The following HLCS variants were observed in gnomAD, a reference collection of about 807,000 sequenced individuals.
HLCS encodes the protein biotin--protein ligase.
HLCS carries 53 observed loss-of-function variants against 75.0 expected under a neutral mutation model. The observed-to-expected ratio is 0.71, with a 90% CI of 0.57 to 0.89. The LOEUF is 0.89. Ranked by LOEUF, HLCS falls within the 40% of genes least tolerant of loss-of-function variation. The pLI, the probability that HLCS is intolerant of heterozygous loss-of-function variation, is 0.00. For missense variants in HLCS, 966 were observed against 1,074.0 expected, an observed-to-expected ratio of 0.90 and a Z score of 1.41; for synonymous variants, 431 against 428.6, an observed-to-expected ratio of 1.01 and a Z score of -0.07.
intron 6 of HLCS, chr21:36,896,492 T>C (rs2065016156): frequency 3.3e-6 from 1 of 302,692 alleles, no homozygotes; most frequent in East Asian, 8.0e-5. Flanking sequence ...AAACATCCTG[T>C]ATTAAATGTC....
At chr21:36,914,659 C>A (rs981037346) in intron 5 of HLCS, among the ~76,000 whole-genome samples, 1 of 152,216 alleles carries the variant, frequency 6.6e-6, no homozygotes, top group Non-Finnish European at 1.5e-5. Flanking sequence ...CCAAGCCAAA[C>A]AGGCTCACTG....
Position 36,937,540 on chromosome 21 carries a change from C to A in HLCS, c.494-148G>T, listed in dbSNP as rs561951676. The A allele has an allele frequency of 1.7e-4, 126 of 752,938 alleles. No homozygotes were observed. The East Asian group carries it at 3.4e-3, about 20-fold the overall frequency. The allele number at this position is 752,938 out of a possible 1,614,324, so 46.6% of individuals were successfully genotyped here. A position where few individuals can be genotyped will look rare whatever the true frequency, so the allele number is the denominator to read the frequency against. ...TGGCACGGCTCCCACCTGCATCCCC[C>A]CTCAACTCGGGGGCATCCTTTGGAA... On this transcript the variant is annotated intron_variant, in intron 3 of 10. Transcript: ENST00000674895.
chr21:36,958,530 T>A (rs867450087), intron 2 of HLCS, among the ~76,000 whole-genome samples: 15 of 152,318 alleles, frequency 9.8e-5, no homozygotes, highest in African/African-American at 3.1e-4. Context: ...GGCTCACGCC[T>A]GTAATCCTAG....
intron 2 of HLCS, chr21:36,946,115 C>T: frequency 1.0e-6 from 1 of 985,230 alleles, no homozygotes; most frequent in Non-Finnish European, 1.2e-6. Flanking sequence ...CAAGTAACCT[C>T]ATGAGAAACC....
At chr21:36,770,589 T>C (rs1477460518) in intron 6 of HLCS, among the ~76,000 whole-genome samples, 3 of 152,102 alleles carry the variant, frequency 2.0e-5, no homozygotes, top group Non-Finnish European at 4.4e-5. Context: ...CTTTCTTTTT[T>C]TTTTTCGTTT....
chr21:36,861,716 C>G (rs2063388458), intron 6 of HLCS, among the ~76,000 whole-genome samples: 1 of 152,186 alleles, frequency 6.6e-6, no homozygotes, highest in African/African-American at 2.4e-5. Context: ...TACATCACTT[C>G]TGACGTAAGC....
chr21:36,864,333 G>A (rs948987641), intron 6 of HLCS, among the ~76,000 whole-genome samples: 2 of 152,000 alleles, frequency 1.3e-5, no homozygotes, highest in African/African-American at 4.8e-5. Flanking sequence ...CTGGGAGATG[G>A]AGGCTGCAGT....
rs117824184 is a variant in HLCS at position 36,776,161 on chromosome 21, T to A, written c.1893-8876A>T. Reference sequence around the variant, plus strand: ...AATAATATCAGACTTAAAGAAAAGTTACAGGAAGAGTACAAAGCATTCCTA... The same window carrying A: ...AATAATATCAGACTTAAAGAAAAGTAACAGGAAGAGTACAAAGCATTCCTA... On this transcript the variant is annotated intron_variant, in intron 6 of 10. Coordinates refer to ENST00000674895, the MANE Select transcript of HLCS (RefSeq NM_001352514.2). Among the ~76,000 whole-genome samples the A allele has an allele frequency of 5.3e-5, 8 of 152,348 alleles. 1 individual carries two copies. In the East Asian group the frequency reaches 1.5e-3, roughly 29 times the overall value.
chr21:36,953,025 C>T (rs1035297319), intron 2 of HLCS, among the ~76,000 whole-genome samples: 17 of 152,210 alleles, frequency 1.1e-4, no homozygotes, highest in African/African-American at 4.1e-4. Context: ...ACCTAAGTGA[C>T]CAAGGGGGCT....
Position 36,750,613 on chromosome 21 carries a change from C to T in HLCS, c.*3633G>A, listed in dbSNP as rs943536926. Reference sequence around the variant, plus strand: ...AAAGTCTACGTAAGTTTTAATTTACCAGAGCTATAAGATGGTTAAGGTAGA... The same window carrying T: ...AAAGTCTACGTAAGTTTTAATTTACTAGAGCTATAAGATGGTTAAGGTAGA... On this transcript the variant is annotated 3_prime_UTR_variant, in exon 11 of 11. Transcript: ENST00000674895. 1.3e-5 allele frequency among the ~76,000 whole-genome samples: 2 copies of T among 151,932 alleles called. No individual in the cohort carries two copies. Among genetic ancestry groups the T allele is most frequent in the Non-Finnish European group, 2.9e-5 (2 of 68,010 alleles).
At chr21:36,779,207 G>GA (rs1422977143) in intron 6 of HLCS, among the ~76,000 whole-genome samples, 2 of 152,046 alleles carry the variant, frequency 1.3e-5, no homozygotes, top group African/African-American at 2.4e-5. Context: ...TGCTTTGGTT[G>GA]AAAAAATTCC....
At chr21:36,765,329 G>A (rs2089994824) in intron 7 of HLCS, among the ~76,000 whole-genome samples, 157 bp from the exon 8 acceptor site, 1 of 152,146 alleles carries the variant, frequency 6.6e-6, no homozygotes, top group African/African-American at 2.4e-5. Context: ...TAAAAGAAAA[G>A]CTTTTTAAAA....
At chr21:36,841,723 G>C (rs2062623213) in intron 6 of HLCS, among the ~76,000 whole-genome samples, 1 of 152,218 alleles carries the variant, frequency 6.6e-6, no homozygotes, top group Non-Finnish European at 1.5e-5. Context: ...GTAGGCAAAC[G>C]CCTGGCTTCA....
intron 6 of HLCS, among the ~76,000 whole-genome samples, chr21:36,891,855 A>G (rs958757114): frequency 6.6e-6 from 1 of 152,196 alleles, no homozygotes; most frequent in Non-Finnish European, 1.5e-5. Flanking sequence ...CCCCAGCAGG[A>G]GATAAGACAG....
intron 6 of HLCS, among the ~76,000 whole-genome samples, chr21:36,884,113 C>G (rs989141364): frequency 6.6e-6 from 1 of 152,232 alleles, no homozygotes; most frequent in Admixed American, 6.5e-5. Flanking sequence ...AGTAAACTAA[C>G]TTACCTAGAT....
upstream of HLCS, among the ~76,000 whole-genome samples, chr21:36,971,215 T>G (rs757156807): frequency 6.6e-5 from 10 of 152,160 alleles, no homozygotes; most frequent in Non-Finnish European, 1.3e-4. Flanking sequence ...ACTCATGTCT[T>G]TAAGAGGAAA....
At chr21:36,905,423 C>A (rs1324874056) in intron 5 of HLCS, among the ~76,000 whole-genome samples, 2 of 152,156 alleles carry the variant, frequency 1.3e-5, no homozygotes, top group Non-Finnish European at 2.9e-5. Context: ...TGACAACAAA[C>A]AACCACTATC....
intron 2 of HLCS, among the ~76,000 whole-genome samples, chr21:36,955,678 T>C (rs1297469470): frequency 6.6e-6 from 1 of 152,224 alleles, no homozygotes; most frequent in East Asian, 1.9e-4. Context: ...AAGGCTGTTA[T>C]AAATTCAGTG....
At chr21:36,806,398 C>T (rs1352911295) in intron 6 of HLCS, 1 of 152,034 alleles carries the variant, frequency 6.6e-6, no homozygotes. Flanking sequence ...GCTGAGAGTC[C>T]CTGCTCTGGA....
Sources: gnomAD v4.1 joint callset for allele counts (sites outside exome capture counted in the v4.1 genomes callset) on GRCh38, gnomAD v4.1.1 for gene constraint, MANE v1.5 for transcripts, NCBI Gene and HGNC (gene_info 2026-07-23, HGNC 2026-07-21) for gene names.